Variants in ASB18 observed in about 807,000 individuals in gnomAD.
ASB18 encodes ankyrin repeat and SOCS box protein 18.
Under a neutral mutation model 33.4 loss-of-function variants are expected in ASB18, and 33 were observed. That is an observed-to-expected ratio of 0.99 (90% CI 0.75 to 1.32). ASB18 has a LOEUF of 1.32. Among genes scored for constraint, ASB18 ranks in the 40% most tolerant of loss-of-function variants. The pLI is 0.00. For synonymous variants in ASB18, 295 were observed against 307.6 expected (o/e 0.96, Z 0.43); for missense variants, 694 against 655.5 (o/e 1.06, Z -0.64).
At chr2:236,232,964 C>T (rs1467065790) in intron 3 of ASB18, among the ~76,000 whole-genome samples, 2 of 152,026 alleles carry the variant, frequency 1.3e-5, no homozygotes, top group East Asian at 3.9e-4. Context: ...ACTCTGATGC[C>T]AAAACCAGAC....
In ASB18 at chr2:236,264,065, T is replaced by C; in HGVS notation, c.205+76A>G. The C allele has an allele frequency of 7.5e-7, 1 of 1,325,814 alleles. No homozygotes were observed. Among genetic ancestry groups the C allele is most frequent in the East Asian group, 2.4e-5 (1 of 41,756 alleles). 82.1% of individuals were successfully genotyped at this position (1,325,814 alleles called of 1,614,324 possible). ...TACTTTTTCCAAACATTTGCCCCTCTACCTCCAGGATCTGCCCACCCCATC... is the reference window on the plus strand; with the variant it reads ...TACTTTTTCCAAACATTTGCCCCTCCACCTCCAGGATCTGCCCACCCCATC... On this transcript the variant is annotated intron_variant, in intron 1 of 5. Transcript: ENST00000409749. This position sits in a 1 kb window ranked among gnomAD's most constrained non-coding sequence, Gnocchi z 5.1.
chr2:236,236,418 G>T (rs2060589189), intron 3 of ASB18, among the ~76,000 whole-genome samples: 1 of 152,170 alleles, frequency 6.6e-6, no homozygotes, highest in South Asian at 2.1e-4. Context: ...GAGGCCACAG[G>T]GGGAATGATA....
At chr2:236,201,329 T>A (rs886681756) in intron 4 of ASB18, among the ~76,000 whole-genome samples, 1 of 152,110 alleles carries the variant, frequency 6.6e-6, no homozygotes, top group Non-Finnish European at 1.5e-5. Flanking sequence ...TTTAAAAATT[T>A]TTTTTGTAGA....
rs189027473 is a variant in ASB18 at position 236,230,836 on chromosome 2, G to A, written c.596+6853C>T. Reference sequence around the variant, plus strand: ...AATAATAGATGAACCAAATAGAAAAGAAATAGACATTTGTTTTGAACCTAA... The same window carrying A: ...AATAATAGATGAACCAAATAGAAAAAAAATAGACATTTGTTTTGAACCTAA... On this transcript the variant is annotated intron_variant, in intron 3 of 5. Transcript: ENST00000409749. Among the ~76,000 whole-genome samples, 724 of 151,850 alleles carry A rather than the reference G, an allele frequency of 4.8e-3. 8 individuals are homozygous for A. The highest frequency in any genetic ancestry group is 5.6e-3 in the Non-Finnish European group (377 of 67,912).
chr2:236,197,427 T>C (rs1274822970), intron 4 of ASB18, among the ~76,000 whole-genome samples: 1 of 152,236 alleles, frequency 6.6e-6, no homozygotes, highest in African/African-American at 2.4e-5. Flanking sequence ...ACTGGGTTAT[T>C]TGTCCTGTAG....
At chr2:236,236,836 T>C (rs572107171) in intron 3 of ASB18, among the ~76,000 whole-genome samples, 13 of 152,214 alleles carry the variant, frequency 8.5e-5, no homozygotes, top group African/African-American at 2.6e-4. Flanking sequence ...TCCTTAATCT[T>C]CCCCCAGAGA....
intron 3 of ASB18, among the ~76,000 whole-genome samples, chr2:236,230,963 A>G (rs1306630191): frequency 6.6e-6 from 1 of 152,154 alleles, no homozygotes; most frequent in Non-Finnish European, 1.5e-5. Flanking sequence ...TAATCTGCCT[A>G]CAAGAAGCCC....
chr2:236,214,489 C>G lies in ASB18; in HGVS notation c.974G>C (p.Gly325Ala). 3 of 1,508,374 alleles carry G rather than the reference C, an allele frequency of 2.0e-6. No individual in the cohort carries two copies. Among genetic ancestry groups the G allele is most frequent in the Non-Finnish European group, 1.8e-6 (2 of 1,136,670 alleles). The allele number at this position is 1,508,374 out of a possible 1,614,324, so 93.4% of individuals were successfully genotyped here. The change falls in exon 4 of 6, where the codon GGC becomes GCC. Residue 325 changes from glycine to alanine, a missense_variant. By Grantham distance (60) the Gly-to-Ala change is moderately conservative. Coordinates refer to ENST00000409749, the MANE Select transcript of ASB18 (RefSeq NM_212556.4). The surrounding 1 kb of genome is among the most constrained non-coding windows in gnomAD (Gnocchi z 6.5). ...HGADAGALDYGGASPLGRVLQ... is the reference protein window; with the variant it reads ...HGADAGALDYAGASPLGRVLQ... ...CACGCGGCCCAGCGGCGAGGCCCCG[C>G]CATAGTCGAGCGCGCCCGCGTCGGC...
Position 236,209,926 on chromosome 2 carries a change from T to C in ASB18, c.1101+4436A>G, listed in dbSNP as rs1196499078. On this transcript the variant is annotated intron_variant, in intron 4 of 5. Transcript: ENST00000409749. This position sits in a 1 kb window ranked among gnomAD's most constrained non-coding sequence, Gnocchi z 4.4. ...TGCCCAGGACGTCTGTCTAGAATGT[T>C]TGTCCCCCGCTTCACAAAGATAAGC... 6.6e-6 allele frequency among the ~76,000 whole-genome samples: 1 copy of C among 152,232 alleles called. No homozygotes were observed. Among genetic ancestry groups the C allele is most frequent in the African/African-American group, 2.4e-5 (1 of 41,460 alleles).
Position 236,235,100 on chromosome 2 carries a change from A to G in ASB18, c.596+2589T>C, listed in dbSNP as rs2060582280. Reference sequence around the variant, plus strand: ...AAGAAACCTCAAACTTAAATAAGAAAACCAACCCAATTTTAAAAATGGGCA... The same window carrying G: ...AAGAAACCTCAAACTTAAATAAGAAGACCAACCCAATTTTAAAAATGGGCA... On this transcript the variant is annotated intron_variant, in intron 3 of 5. Coordinates refer to ENST00000409749, the MANE Select transcript of ASB18 (RefSeq NM_212556.4). This position sits in a 1 kb window ranked among gnomAD's most constrained non-coding sequence, Gnocchi z 6.2. Among the ~76,000 whole-genome samples, 1 of 152,216 alleles carries G rather than the reference A, an allele frequency of 6.6e-6. No homozygotes were observed. The highest frequency in any genetic ancestry group is 1.5e-5 in the Non-Finnish European group (1 of 68,036).
In ASB18 at chr2:236,204,164, G is replaced by C. The variant is rs1423170069; in HGVS notation, c.1102-7779C>G. Among the ~76,000 whole-genome samples, 1 of 152,026 alleles carries C rather than the reference G, an allele frequency of 6.6e-6. No individual in the cohort carries two copies. On this transcript the variant is annotated intron_variant, in intron 4 of 5. Transcript: ENST00000409749. The surrounding 1 kb of genome is among the most constrained non-coding windows in gnomAD (Gnocchi z 5.1). ...CAGCTGGAGTACATCTACCTCAATG[G>C]GCCATTAGCCCCAGCCACTCCCCCA...
At position 236,213,901 on chromosome 2, in the gene ASB18, C is replaced by G. The variant is rs1228192093; in HGVS notation, c.1101+461G>C. On this transcript the variant is annotated intron_variant, in intron 4 of 5. Coordinates refer to ENST00000409749, the MANE Select transcript of ASB18 (RefSeq NM_212556.4). The surrounding 1 kb of genome is among the most constrained non-coding windows in gnomAD (Gnocchi z 4.8). Reference sequence around the variant, plus strand: ...CACTCTCATTAACAAGGTGGATGATCAGATTGGGTAATTTTGTTTCAGATC... The same window carrying G: ...CACTCTCATTAACAAGGTGGATGATGAGATTGGGTAATTTTGTTTCAGATC... 2 of 165,848 alleles carry G rather than the reference C, an allele frequency of 1.2e-5. No homozygotes were observed. The highest frequency in any genetic ancestry group is 2.4e-5 in the African/African-American group (1 of 41,628). 10.3% of individuals were successfully genotyped at this position (165,848 alleles called of 1,614,324 possible). A position where few individuals can be genotyped will look rare whatever the true frequency, so the allele number is the denominator to read the frequency against.
At position 236,223,356 on chromosome 2, in the gene ASB18, C is replaced by T. The variant is rs912394872; in HGVS notation, c.597-8490G>A. ...CATTTCTTTCTCTTTCTCTCATCCC[C>T]TGGTCCCAATATACTAGGTGAAGAG... On this transcript the variant is annotated intron_variant, in intron 3 of 5. Coordinates refer to ENST00000409749, the MANE Select transcript of ASB18 (RefSeq NM_212556.4). The surrounding 1 kb of genome is among the most constrained non-coding windows in gnomAD (Gnocchi z 4.6). Among the ~76,000 whole-genome samples the T allele has an allele frequency of 6.6e-6, 1 of 152,166 alleles. No homozygotes were observed. The highest frequency in any genetic ancestry group is 6.5e-5 in the Admixed American group (1 of 15,282).
At position 236,215,206 on chromosome 2, in the gene ASB18, T is replaced by C. The variant is rs2060482364; in HGVS notation, c.597-340A>G. Among the ~76,000 whole-genome samples the C allele has an allele frequency of 6.6e-6, 1 of 152,098 alleles. No individual in the cohort carries two copies. Among genetic ancestry groups the C allele is most frequent in the African/African-American group, 2.4e-5 (1 of 41,416 alleles). ...CTCCATGCACTGGTTACCTGAGCTC[T>C]TTGTCACACCTGGAGGTTAAGGGTT... On this transcript the variant is annotated intron_variant, in intron 3 of 5. Transcript: ENST00000409749. This position sits in a 1 kb window ranked among gnomAD's most constrained non-coding sequence, Gnocchi z 7.2.
At position 236,235,856 on chromosome 2, in the gene ASB18, G is replaced by A. The variant is rs2060586712; in HGVS notation, c.596+1833C>T. On this transcript the variant is annotated intron_variant, in intron 3 of 5. Transcript: ENST00000409749. This position sits in a 1 kb window ranked among gnomAD's most constrained non-coding sequence, Gnocchi z 6.2. ...TTACAGGTGCATGCCAACATGCCTG[G>A]GTAATTTTTGTATTTTTTGTAGAGA... Among the ~76,000 whole-genome samples, 1 of 152,082 alleles carries A rather than the reference G, an allele frequency of 6.6e-6. No homozygotes were observed. The highest frequency in any genetic ancestry group is 2.1e-4 in the South Asian group (1 of 4,814).
In ASB18 at chr2:236,250,046, G is replaced by A. The variant is rs1287827710; in HGVS notation, c.206-8644C>T. On this transcript the variant is annotated intron_variant, in intron 1 of 5. Transcript: ENST00000409749. This position sits in a 1 kb window ranked among gnomAD's most constrained non-coding sequence, Gnocchi z 4.1. ...TAGTGTAGGTAGCTAATGAGAAGGA[G>A]TTTTTGCCTCTGGATCAAATGAGAT... The A allele has an allele frequency of 1.3e-5, 2 of 152,186 alleles. No individual in the cohort carries two copies. Among genetic ancestry groups the A allele is most frequent in the Non-Finnish European group, 2.9e-5 (2 of 68,040 alleles). 9.4% of individuals were successfully genotyped at this position (152,186 alleles called of 1,614,324 possible). A position where few individuals can be genotyped will look rare whatever the true frequency, so the allele number is the denominator to read the frequency against.
At position 236,256,561 on chromosome 2, in the gene ASB18, A is replaced by C. The variant is rs574891570; in HGVS notation, c.205+7580T>G. On this transcript the variant is annotated intron_variant, in intron 1 of 5. Coordinates refer to ENST00000409749, the MANE Select transcript of ASB18 (RefSeq NM_212556.4). This position sits in a 1 kb window ranked among gnomAD's most constrained non-coding sequence, Gnocchi z 4.7. Reference sequence around the variant, plus strand: ...AACTGTCGTCATCTCAGAAAGGTAGAAAAGCCTCTCCGCTATTATTCTCAT... The same window carrying C: ...AACTGTCGTCATCTCAGAAAGGTAGCAAAGCCTCTCCGCTATTATTCTCAT... Among the ~76,000 whole-genome samples, 42 of 152,330 alleles carry C rather than the reference A, an allele frequency of 2.8e-4. No individual in the cohort carries two copies. Among genetic ancestry groups the C allele is most frequent in the African/African-American group, 9.6e-4 (40 of 41,576 alleles).
chr2:236,229,441 A>T lies in ASB18; in HGVS notation c.596+8248T>A, dbSNP rs1465720938. Reference sequence around the variant, plus strand: ...GTCCCTGAAGGAGAGTACTGGTTGTATAGAAAAAAAATGTGAAGAAATAAT... The same window carrying T: ...GTCCCTGAAGGAGAGTACTGGTTGTTTAGAAAAAAAATGTGAAGAAATAAT... On this transcript the variant is annotated intron_variant, in intron 3 of 5. Coordinates refer to ENST00000409749, the MANE Select transcript of ASB18 (RefSeq NM_212556.4). The surrounding 1 kb of genome is among the most constrained non-coding windows in gnomAD (Gnocchi z 5.2). Among the ~76,000 whole-genome samples the T allele has an allele frequency of 6.6e-6, 1 of 152,154 alleles. No individual in the cohort carries two copies. Among genetic ancestry groups the T allele is most frequent in the African/African-American group, 2.4e-5 (1 of 41,458 alleles).
In ASB18 at chr2:236,200,672, C is replaced by T. The variant is rs2060396500; in HGVS notation, c.1102-4287G>A. Among the ~76,000 whole-genome samples, 1 of 152,152 alleles carries T rather than the reference C, an allele frequency of 6.6e-6. No homozygotes were observed. Among genetic ancestry groups the T allele is most frequent in the South Asian group, 2.1e-4 (1 of 4,828 alleles). On this transcript the variant is annotated intron_variant, in intron 4 of 5. Coordinates refer to ENST00000409749, the MANE Select transcript of ASB18 (RefSeq NM_212556.4). The surrounding 1 kb of genome is among the most constrained non-coding windows in gnomAD (Gnocchi z 4.2). ...CTATACCCAGCTGGAAGGCAGAGGG[C>T]CGAGAGCTGTAGAATGAGGTCCATA...
Sources: allele counts gnomAD v4.1 joint callset (sites outside exome capture counted in the v4.1 genomes callset), GRCh38; gene constraint gnomAD v4.1.1; non-coding constraint Gnocchi (gnomAD v3.1); transcripts MANE v1.5; gene names NCBI Gene and HGNC (gene_info 2026-07-23, HGNC 2026-07-21).